The following MED13L variants were observed in gnomAD, a reference collection of about 807,000 sequenced individuals.
MED13L encodes the protein mediator of RNA polymerase II transcription subunit 13-like.
A neutral mutation model predicts 220.9 loss-of-function variants in MED13L; 7 were observed. That is an observed-to-expected ratio of 0.03 (90% CI 0.02 to 0.06). MED13L has a LOEUF of 0.06. Ranked by LOEUF, MED13L falls within the 10% of genes least tolerant of loss-of-function variation. MED13L has a pLI of 1.00. For missense variants in MED13L, 1,965 were observed against 2,760.5 expected (o/e 0.71, Z 6.46); for synonymous variants, 1,011 against 1,015.2 (o/e 1.00, Z 0.08).
intron 2 of MED13L, among the ~76,000 whole-genome samples, chr12:116,153,119 A>T (rs1387180532): frequency 1.3e-5 from 2 of 152,190 alleles, no homozygotes; most frequent in Non-Finnish European, 2.9e-5. Context: ...ATTAGTGTGT[A>T]ACATAATTAG....
intron 4 of MED13L, among the ~76,000 whole-genome samples, chr12:116,054,501 T>A (rs1385886258): frequency 2.0e-5 from 3 of 152,190 alleles, no homozygotes; most frequent in Non-Finnish European, 4.4e-5. Context: ...GAGTACAACT[T>A]AAGCATGTTA....
At chr12:116,069,136 G>T (rs1208787895) in intron 4 of MED13L, among the ~76,000 whole-genome samples, 3 of 152,178 alleles carry the variant, frequency 2.0e-5, no homozygotes, top group African/African-American at 7.2e-5. Flanking sequence ...AACAGGAATA[G>T]AAATGGAAGA....
chr12:115,970,019 T>C (rs12829219), intron 27 of MED13L, among the ~76,000 whole-genome samples: 2 of 152,226 alleles, frequency 1.3e-5, no homozygotes, highest in Admixed American at 1.3e-4. Context: ...TAAAATTTGG[T>C]ATCCTTTTCC....
At chr12:116,115,445 T>C (rs1024236764) in intron 2 of MED13L, among the ~76,000 whole-genome samples, 2 of 152,046 alleles carry the variant, frequency 1.3e-5, no homozygotes, top group Admixed American at 1.3e-4. Flanking sequence ...GGCAAAGATT[T>C]CTTAGATATG....
At chr12:116,202,407 A>G (rs1002129585) in intron 2 of MED13L, among the ~76,000 whole-genome samples, 1 of 152,224 alleles carries the variant, frequency 6.6e-6, no homozygotes, top group Non-Finnish European at 1.5e-5. Context: ...TTTAAAAGAT[A>G]AAGAAAAACA....
At chr12:116,235,436 CTG>C (rs1461693570) in intron 2 of MED13L, among the ~76,000 whole-genome samples, 1 of 152,094 alleles carries the variant, frequency 6.6e-6, no homozygotes, top group Non-Finnish European at 1.5e-5. Context: ...ATTAGAAAAA[CTG>C]TATGGTACCA....
intron 4 of MED13L, among the ~76,000 whole-genome samples, chr12:116,071,355 A>G (rs778232512): frequency 1.3e-5 from 2 of 152,254 alleles, no homozygotes; most frequent in Non-Finnish European, 2.9e-5. Flanking sequence ...AACAGGTGAA[A>G]CATTAATTCC....
chr12:116,046,072 T>C (rs1027221576), intron 4 of MED13L, among the ~76,000 whole-genome samples: 1 of 152,138 alleles, frequency 6.6e-6, no homozygotes, highest in Non-Finnish European at 1.5e-5. Context: ...AATATTAAAA[T>C]GCAGTCTTAT....
intron 2 of MED13L, among the ~76,000 whole-genome samples, chr12:116,184,621 G>A (rs914829314): frequency 8.5e-5 from 13 of 152,078 alleles, no homozygotes; most frequent in South Asian, 2.1e-4. Flanking sequence ...AACAGTCTAC[G>A]GAGATGTCAA....
intron 4 of MED13L, among the ~76,000 whole-genome samples, chr12:116,035,278 A>G (rs887596276): frequency 7.9e-5 from 12 of 152,202 alleles, no homozygotes; most frequent in African/African-American, 2.7e-4. Flanking sequence ...ATAAAGGGGG[A>G]AAAATTCTGG....
intron 1 of MED13L, chr12:116,276,633 A>G: frequency 8.3e-7 from 1 of 1,198,090 alleles, no homozygotes; most frequent in South Asian, 1.5e-5. Flanking sequence ...GCGGGCGGGC[A>G]GGCAGCTGAT....
At chr12:116,090,107 A>C (rs1189637881) in intron 4 of MED13L, among the ~76,000 whole-genome samples, 1 of 152,204 alleles carries the variant, frequency 6.6e-6, no homozygotes, top group Non-Finnish European at 1.5e-5. Flanking sequence ...ATATGAGTAA[A>C]CTGAACAGTA....
chr12:116,076,293 T>C (rs1035143819), intron 4 of MED13L, among the ~76,000 whole-genome samples: 20 of 152,054 alleles, frequency 1.3e-4, no homozygotes, highest in Non-Finnish European at 2.6e-4. Flanking sequence ...TCCCAGCACA[T>C]TGGGAGGCTG....
At chr12:116,059,099 G>T (rs536159955) in intron 4 of MED13L, among the ~76,000 whole-genome samples, 18 of 152,136 alleles carry the variant, frequency 1.2e-4, no homozygotes, top group Middle Eastern at 3.4e-3. Context: ...ACAGGGTCTC[G>T]CTCTGTCACC....
At chr12:116,007,268 T>C (rs1331830337) in intron 11 of MED13L, 143 bp downstream of exon 11, 1 of 771,590 alleles carries the variant, frequency 1.3e-6, no homozygotes, top group South Asian at 1.4e-5. Flanking sequence ...TTCAATACAA[T>C]AGTACCAAGA....
intron 2 of MED13L, among the ~76,000 whole-genome samples, chr12:116,183,675 T>C (rs192864343): frequency 1.3e-5 from 2 of 152,198 alleles, no homozygotes; most frequent in Admixed American, 1.3e-4. Context: ...ATGCTCACAA[T>C]ATCTGTTTAT....
intron 2 of MED13L, among the ~76,000 whole-genome samples, chr12:116,147,367 A>C (rs778067059): frequency 1.3e-5 from 2 of 152,240 alleles, no homozygotes; most frequent in Admixed American, 6.5e-5. Context: ...GTATGGCTAT[A>C]AATTTCAGTT....
At chr12:115,982,693 G>T in intron 21 of MED13L, 90 bp from the exon 22 acceptor site, 1 of 1,105,588 alleles carries the variant, frequency 9.0e-7, no homozygotes, top group Non-Finnish European at 1.3e-6. Flanking sequence ...GAGCACACAG[G>T]CTCCCTAAAG....
intron 4 of MED13L, among the ~76,000 whole-genome samples, chr12:116,077,140 T>C (rs924990260): frequency 2.6e-5 from 4 of 152,238 alleles, no homozygotes; most frequent in African/African-American, 9.6e-5. Flanking sequence ...TCTTCTTTAC[T>C]AGAGCCCATA....
Sources: gnomAD v4.1 joint callset for allele counts (sites outside exome capture counted in the v4.1 genomes callset) on GRCh38, gnomAD v4.1.1 for gene constraint, MANE v1.5 for transcripts, NCBI Gene and HGNC (gene_info 2026-07-23, HGNC 2026-07-21) for gene names.